Variants in CHODL observed in about 807,000 individuals in gnomAD.
CHODL encodes the protein transmembrane protein MT75.
CHODL carries 29 observed loss-of-function variants against 34.5 expected under a neutral mutation model. The ratio of observed to expected loss-of-function variants is 0.84; its 90% CI spans 0.63 to 1.15. The LOEUF is 1.15. CHODL is among the 50% of genes most tolerant of loss of function. The pLI is 0.00. For synonymous variants in CHODL, 125 were observed against 116.1 expected, an observed-to-expected ratio of 1.08 and a Z score of -0.49; for missense variants, 332 against 332.5, an observed-to-expected ratio of 1.00 and a Z score of 0.01.
At chr21:18,238,612 G>A (rs778892186) in intron 2 of CHODL, among the ~76,000 whole-genome samples, 6 of 152,018 alleles carry the variant, frequency 3.9e-5, no homozygotes, top group Non-Finnish European at 7.4e-5. Flanking sequence ...GTTCAGGGAG[G>A]GGTTGCTGTG....
intron 1 of CHODL, among the ~76,000 whole-genome samples, chr21:17,976,263 C>A (rs2063661269): frequency 9.7e-6 from 1 of 103,162 alleles, no homozygotes; most frequent in African/African-American, 3.7e-5. Context: ...ACAGTGAGAC[C>A]ATCTCAGAAA....
chr21:18,169,687 T>C (rs947666868), intron 2 of CHODL, among the ~76,000 whole-genome samples: 3 of 152,042 alleles, frequency 2.0e-5, no homozygotes, highest in Non-Finnish European at 4.4e-5. Flanking sequence ...AACGGATAAG[T>C]TTAGGTTTTT....
intron 1 of CHODL, among the ~76,000 whole-genome samples, chr21:17,961,319 A>G (rs1206107551): frequency 6.6e-6 from 1 of 152,204 alleles, no homozygotes; most frequent in Admixed American, 6.5e-5. Context: ...CCTAAAAGCA[A>G]GTTTGGCCCG....
intron 1 of CHODL, among the ~76,000 whole-genome samples, chr21:18,252,496 A>G (rs918908452): frequency 1.3e-5 from 2 of 152,124 alleles, no homozygotes; most frequent in Non-Finnish European, 2.9e-5. Context: ...GTTTCACTGC[A>G]TTAGTAGCCA....
Position 18,128,455 on chromosome 21 carries a change from AG to A in CHODL, c.-45+100485del, listed in dbSNP as rs565407412. On this transcript the variant is annotated intron_variant, in intron 2 of 6. Transcript: ENST00000400127. ...AAGTCAAAGCAAAGGTAACCTCAAAAGCACAAGACAAAAATGACTCATTCCA... is the reference window on the plus strand; with the variant it reads ...AAGTCAAAGCAAAGGTAACCTCAAAACACAAGACAAAAATGACTCATTCCA... Among the ~76,000 whole-genome samples, 72 of 152,188 alleles carry A rather than the reference AG, an allele frequency of 4.7e-4. 1 individual carries two copies. The South Asian group carries it at 0.013, about 29-fold the overall frequency.
chr21:18,147,668 T>G (rs1455717395), intron 2 of CHODL, among the ~76,000 whole-genome samples: 1 of 152,220 alleles, frequency 6.6e-6, no homozygotes, highest in Non-Finnish European at 1.5e-5. Flanking sequence ...TTTGTAGGCA[T>G]CTGGTCTCTG....
At chr21:17,935,367 A>G (rs1318863579) in intron 1 of CHODL, among the ~76,000 whole-genome samples, 1 of 152,236 alleles carries the variant, frequency 6.6e-6, no homozygotes, top group African/African-American at 2.4e-5. Flanking sequence ...TGGTAGAGCC[A>G]TGAATTTGAA....
intron 1 of CHODL, among the ~76,000 whole-genome samples, chr21:18,021,961 C>G (rs143683845): frequency 1.3e-5 from 2 of 152,200 alleles, no homozygotes; most frequent in South Asian, 4.1e-4. Flanking sequence ...AGAGGTGAGG[C>G]CTTTGGGAGG....
At chr21:18,101,586 T>A (rs919365189) in intron 2 of CHODL, among the ~76,000 whole-genome samples, 3 of 152,156 alleles carry the variant, frequency 2.0e-5, no homozygotes, top group Admixed American at 2.0e-4. Context: ...TCAAAAAAGA[T>A]GTCTAACCTA....
chr21:18,201,440 A>G (rs1029246936), intron 2 of CHODL, among the ~76,000 whole-genome samples: 1 of 151,294 alleles, frequency 6.6e-6, no homozygotes, highest in African/African-American at 2.4e-5. Context: ...TACTTTGCTT[A>G]TTAATTTGGT....
chr21:18,243,221 T>G (rs1425536256), upstream of CHODL, among the ~76,000 whole-genome samples: 1 of 152,236 alleles, frequency 6.6e-6, no homozygotes, highest in Non-Finnish European at 1.5e-5. Flanking sequence ...ATTATTTTAT[T>G]TCTTTCTCTA....
At chr21:18,256,938 A>T in intron 2 of CHODL, 32 bp from the exon 3 acceptor site, 1 of 1,602,366 alleles carries the variant, frequency 6.2e-7, no homozygotes, top group Non-Finnish European at 8.5e-7. Flanking sequence ...GTAGGCATGT[A>T]TCTGAGTGTT....
intron 2 of CHODL, among the ~76,000 whole-genome samples, chr21:18,148,385 A>G (rs2072923517): frequency 6.6e-6 from 1 of 152,180 alleles, no homozygotes; most frequent in African/African-American, 2.4e-5. Context: ...TCTTGGGAGT[A>G]CAGCACTTCC....
At chr21:18,105,127 G>T (rs146292060) in intron 2 of CHODL, among the ~76,000 whole-genome samples, 4 of 152,324 alleles carry the variant, frequency 2.6e-5, no homozygotes, top group Admixed American at 6.5e-5. Context: ...CCATGAGATA[G>T]GCTTAAATAG....
chr21:18,070,797 C>T (rs1422839164), intron 2 of CHODL, among the ~76,000 whole-genome samples: 1 of 152,100 alleles, frequency 6.6e-6, no homozygotes, highest in East Asian at 1.9e-4. Context: ...TCAACTACTG[C>T]TTGTACCCTA....
chr21:18,046,586 C>T (rs886576215), intron 2 of CHODL, among the ~76,000 whole-genome samples: 1 of 151,824 alleles, frequency 6.6e-6, no homozygotes, highest in African/African-American at 2.4e-5. Context: ...AGTAGAGGAA[C>T]AGGTACCCAC....
In CHODL at chr21:18,009,118, G is replaced by A. The variant is rs543284003; in HGVS notation, c.-144-18754G>A. Among the ~76,000 whole-genome samples, 39 of 152,184 alleles carry A rather than the reference G, an allele frequency of 2.6e-4. 1 individual carries two copies. The highest frequency in any genetic ancestry group is 5.8e-4 in the East Asian group (3 of 5,182). ...AGCATTGCATTCTCATCATTCTTCC[G>A]TCATAGACAATTGAGTCCAAACTGT... is the stretch of plus-strand genomic sequence containing the variant. On this transcript the variant is annotated intron_variant, in intron 1 of 6. Coordinates refer to the CHODL transcript ENST00000400127.
chr21:18,121,638 A>G (rs2065480951), intron 2 of CHODL, among the ~76,000 whole-genome samples: 1 of 152,196 alleles, frequency 6.6e-6, no homozygotes, highest in African/African-American at 2.4e-5. Context: ...TTTTATCATA[A>G]TCACTTATCA....
intron 3 of CHODL, among the ~76,000 whole-genome samples, chr21:18,258,652 A>G (rs917685424): frequency 4.6e-5 from 7 of 151,950 alleles, no homozygotes. Flanking sequence ...AAATCTTCAA[A>G]TAATCTATAT....
Sources: gnomAD v4.1 joint callset for allele counts (sites outside exome capture counted in the v4.1 genomes callset) on GRCh38, gnomAD v4.1.1 for gene constraint, MANE v1.5 for transcripts, NCBI Gene and HGNC (gene_info 2026-07-23, HGNC 2026-07-21) for gene names.